Variants in MYO18B observed in about 807,000 individuals in gnomAD.
MYO18B encodes the protein unconventional myosin-XVIIIb.
A neutral mutation model predicts 273.0 loss-of-function variants in MYO18B; 204 were observed. The ratio of observed to expected loss-of-function variants is 0.75; its 90% CI spans 0.67 to 0.84. The LOEUF (loss-of-function observed/expected upper bound fraction) is 0.84. MYO18B is among the 40% of genes least tolerant of loss of function. MYO18B has a pLI of 0.00. For missense variants in MYO18B, 3,212 were observed against 3,287.6 expected (o/e 0.98, Z 0.56); for synonymous variants, 1,330 against 1,305.7 (o/e 1.02, Z -0.40).
chr22:25,835,549 C>A, intron 17 of MYO18B, 106 bp downstream of exon 17: 1 of 1,393,926 alleles, frequency 7.2e-7, no homozygotes, highest in Non-Finnish European at 9.9e-7. Context: ...ACAGAGGCTC[C>A]AACGTGCAGA....
chr22:25,979,014 G>C lies in MYO18B; in HGVS notation c.6157-13349G>C, dbSNP rs560586659. 6.5e-4 allele frequency among the ~76,000 whole-genome samples: 99 copies of C among 152,172 alleles called. 4 individuals are homozygous for C. Among genetic ancestry groups the C allele is most frequent in the Non-Finnish European group, 6.3e-4 (43 of 68,036 alleles). The stretch of plus-strand genomic sequence containing the variant: ...AGACTAAATTTATAAAAAGATAACA[G>C]AGAGCAGAGGAAAGATGCAAGAGAT... On this transcript the variant is annotated intron_variant, in intron 39 of 43. Transcript: ENST00000335473.
intron 12 of MYO18B, among the ~76,000 whole-genome samples, chr22:25,821,836 T>C (rs2089293369): frequency 6.6e-6 from 1 of 152,180 alleles, no homozygotes; most frequent in Non-Finnish European, 1.5e-5. Context: ...TTTCTATGGA[T>C]TAAAAAAGTA....
intron 29 of MYO18B, among the ~76,000 whole-genome samples, chr22:25,901,816 T>G (rs1410469433): frequency 7.0e-6 from 1 of 142,908 alleles, no homozygotes; most frequent in Non-Finnish European, 1.5e-5. Flanking sequence ...GTTTTTTTTT[T>G]TTTTTTTTTT....
downstream of MYO18B, among the ~76,000 whole-genome samples, chr22:26,033,734 TTC>T (rs548984667): frequency 3.9e-5 from 6 of 152,092 alleles, no homozygotes; most frequent in East Asian, 1.2e-3. Context: ...CTTTCTCTTT[TTC>T]TCTCTTTCTC....
intron 39 of MYO18B, chr22:25,958,960 C>T (rs1241700899): frequency 6.6e-6 from 1 of 152,242 alleles, no homozygotes; most frequent in Non-Finnish European, 1.5e-5. Flanking sequence ...CACTGTGGGT[C>T]AAGCCCTGTG....
intron 25 of MYO18B, among the ~76,000 whole-genome samples, chr22:25,885,823 C>T (rs2091481564): frequency 6.6e-6 from 1 of 152,162 alleles, no homozygotes; most frequent in Non-Finnish European, 1.5e-5. Context: ...CATAACTGTC[C>T]CTTCATTCTA....
chr22:25,822,793 C>T (rs1439879626), intron 12 of MYO18B, among the ~76,000 whole-genome samples: 4 of 152,304 alleles, frequency 2.6e-5, no homozygotes, highest in African/African-American at 7.2e-5. Flanking sequence ...ATGAAGAGGT[C>T]GTGATAAATC....
intron 39 of MYO18B, among the ~76,000 whole-genome samples, chr22:25,987,013 G>A (rs537291012): frequency 6.6e-5 from 10 of 152,156 alleles, no homozygotes; most frequent in Non-Finnish European, 8.8e-5. Flanking sequence ...ATGAATTTTC[G>A]TCAAGTTTCA....
At chr22:25,867,701 C>T (rs757814045) in intron 21 of MYO18B, among the ~76,000 whole-genome samples, 11 of 152,108 alleles carry the variant, frequency 7.2e-5, no homozygotes, top group Non-Finnish European at 1.2e-4. Flanking sequence ...GCAGTCTCGG[C>T]TCACTGCAAG....
rs1431203510 is a variant in MYO18B at position 25,992,411 on chromosome 22, G to A, written c.6205G>A (p.Asp2069Asn). ...LAAVRQTLQT[D>N]LETSIRRIAD... Reference sequence around the variant, plus strand: ...AGCAGTGAGGCAAACCCTCCAGACAGACCTGGAGACATCCATTCGGCGGAT... The same window carrying A: ...AGCAGTGAGGCAAACCCTCCAGACAAACCTGGAGACATCCATTCGGCGGAT... The change falls in exon 40 of 44, where the codon GAC (aspartate) becomes AAC (asparagine). Residue 2069 changes from aspartate (D) to asparagine (N), a missense_variant. Transcript: ENST00000335473. 2 of 1,614,030 alleles carry A rather than the reference G, an allele frequency of 1.2e-6. No homozygotes were observed. The highest frequency in any genetic ancestry group is 3.3e-5 in the Admixed American group (2 of 60,026).
chr22:25,794,247 C>T (rs1319559747), intron 11 of MYO18B, among the ~76,000 whole-genome samples: 1 of 151,214 alleles, frequency 6.6e-6, no homozygotes, highest in African/African-American at 2.4e-5. Context: ...CTCTCTTTCA[C>T]CCAGGCTGGA....
intron 37 of MYO18B, among the ~76,000 whole-genome samples, chr22:25,951,317 C>G (rs1449004097): frequency 6.6e-6 from 1 of 152,168 alleles, no homozygotes; most frequent in Non-Finnish European, 1.5e-5. Context: ...GAAACTGTTT[C>G]CTTCATTCTT....
Position 26,027,489 on chromosome 22 carries a change from G to C in MYO18B, c.7515G>C (p.Leu2505=), listed in dbSNP as rs371665297. Residue 2505 remains leucine (L), a synonymous_variant, in exon 43 of 44, where the codon CTG becomes CTC. Transcript: ENST00000335473. This position sits in a 1 kb window ranked among gnomAD's most constrained non-coding sequence, Gnocchi z 4.1. ...SPEPKEDPAH[L]SDSSSSSGSI... ...AGCCCAAGGAGGATCCCGCTCACCT[G>C]TCTGACTCGTCCTCATCCTCCGGCT... 572 of 1,613,970 alleles carry C rather than the reference G, an allele frequency of 3.5e-4. No individual in the cohort carries two copies. The African/African-American group carries it at 7.0e-3, about 20-fold the overall frequency.
chr22:26,011,333 A>G (rs951171044), intron 42 of MYO18B, among the ~76,000 whole-genome samples: 3 of 152,142 alleles, frequency 2.0e-5, no homozygotes, highest in African/African-American at 7.2e-5. Context: ...AGGGGACTGA[A>G]GGAGCCTCTT....
At chr22:25,742,515 A>G (rs1157879666) in intron 1 of MYO18B, among the ~76,000 whole-genome samples, 3 of 151,962 alleles carry the variant, frequency 2.0e-5, no homozygotes, top group Non-Finnish European at 4.4e-5. Flanking sequence ...TTGAGAACAA[A>G]ATGCTGGGGC....
chr22:25,841,859 T>C (rs2269632), intron 17 of MYO18B, among the ~76,000 whole-genome samples: 34,792 of 152,238 alleles, frequency 0.23, 4,783 homozygotes, highest in Admixed American at 0.3. Flanking sequence ...ACCTGTAGCA[T>C]TGTAAATGCA....
At chr22:25,779,141 C>T (rs2087035149) in intron 8 of MYO18B, among the ~76,000 whole-genome samples, 1 of 151,920 alleles carries the variant, frequency 6.6e-6, no homozygotes, top group Non-Finnish European at 1.5e-5. Context: ...ATTTTTTTTA[C>T]CACCACTTCT....
chr22:25,885,585 G>T (rs1462615845), intron 25 of MYO18B, among the ~76,000 whole-genome samples: 1 of 152,088 alleles, frequency 6.6e-6, no homozygotes, highest in Non-Finnish European at 1.5e-5. Flanking sequence ...GGGGTTGAGG[G>T]GTTGCCTATG....
chr22:25,970,093 C>T (rs565267134), intron 39 of MYO18B, among the ~76,000 whole-genome samples: 1 of 152,188 alleles, frequency 6.6e-6, no homozygotes, highest in African/African-American at 2.4e-5. Flanking sequence ...GTCATCATCA[C>T]CACCATTTGC....
Sources: gnomAD v4.1 joint callset for allele counts (sites outside exome capture counted in the v4.1 genomes callset) on GRCh38, gnomAD v4.1.1 for gene constraint, Gnocchi (gnomAD v3.1) non-coding constraint, MANE v1.5 for transcripts, NCBI Gene and HGNC (gene_info 2026-07-23, HGNC 2026-07-21) for gene names.